The following CAB39L variants were observed in gnomAD, a reference collection of about 807,000 sequenced individuals.
The protein encoded by CAB39L is calcium-binding protein 39-like.
A neutral mutation model predicts 39.1 loss-of-function variants in CAB39L; 23 were observed. The observed-to-expected ratio is 0.59, with a 90% CI of 0.42 to 0.83. The LOEUF is 0.83. Among genes scored for constraint, CAB39L ranks in the 40% least tolerant of loss-of-function variants. The pLI, the probability that CAB39L is intolerant of heterozygous loss-of-function variation, is 0.00. For synonymous variants in CAB39L, 126 were observed against 137.2 expected, an observed-to-expected ratio of 0.92 and a Z score of 0.57; for missense variants, 366 against 391.9, an observed-to-expected ratio of 0.93 and a Z score of 0.56.
Position 49,310,772 on chromosome 13 carries a change from G to A in CAB39L, c.*42C>T. The A allele has an allele frequency of 6.3e-7, 1 of 1,597,600 alleles. No individual in the cohort carries two copies. Among genetic ancestry groups the A allele is most frequent in the East Asian group, 2.2e-5 (1 of 44,764 alleles). On this transcript the variant is annotated 3_prime_UTR_variant, in exon 11 of 11. Transcript: ENST00000409308. ...CTGAAATGACACACTGTACAAACTGGACAAATGAGACGACTGACTGTGACA... is the reference window on the plus strand; with the variant it reads ...CTGAAATGACACACTGTACAAACTGAACAAATGAGACGACTGACTGTGACA...
intron 3 of CAB39L, among the ~76,000 whole-genome samples, chr13:49,394,141 A>G (rs1304906625): frequency 6.6e-6 from 1 of 151,976 alleles, no homozygotes; most frequent in African/African-American, 2.4e-5. Context: ...CAAACAACAA[A>G]CTAGAGAATT....
chr13:49,434,237 G>C lies in CAB39L; in HGVS notation c.-245-14C>G, dbSNP rs1291193475. The C allele has an allele frequency of 2.2e-6, 1 of 447,078 alleles. No homozygotes were observed. Among genetic ancestry groups the C allele is most frequent in the Non-Finnish European group, 4.5e-6 (1 of 223,642 alleles). The allele number at this position is 447,078 out of a possible 1,614,324, so 27.7% of individuals were successfully genotyped here. ...TTGATGGATATCCTGCAATAATGTA[G>C]GAAAAACAGCACAGGCTTTGGAGTC... On this transcript the variant is annotated splice_polypyrimidine_tract_variant and intron_variant, in intron 1 of 10. Transcript: ENST00000409308.
chr13:49,346,120 T>TGCTAGATATATATATATATATATATATC (rs1555254625), intron 7 of CAB39L, among the ~76,000 whole-genome samples: 1 of 88,482 alleles, frequency 1.1e-5, no homozygotes, highest in African/African-American at 4.5e-5. Flanking sequence ...TATATATATA[T>TGCTAGATATATATATATATATATATATC]ATATCATGGA....
rs1956498534 is a variant in CAB39L at position 49,392,014 on chromosome 13, G to A, written c.-31-9073C>T. 2.7e-5 allele frequency among the ~76,000 whole-genome samples: 4 copies of A among 150,838 alleles called. No individual in the cohort carries two copies. In the South Asian group the frequency reaches 8.4e-4, roughly 32 times the overall value. On this transcript the variant is annotated intron_variant, in intron 3 of 10. Transcript: ENST00000409308. ...GCAAGAGCCATAATAGAAACAAAAC[G>A]ACACAAAAATGTTCAGAATAAAAGG...
chr13:49,386,043 C>T (rs1956351505), intron 3 of CAB39L, among the ~76,000 whole-genome samples: 1 of 152,000 alleles, frequency 6.6e-6, no homozygotes, highest in South Asian at 2.1e-4. Flanking sequence ...AGGTGAAACA[C>T]AATAAAATAC....
chr13:49,359,647 C>T (rs1010647704), intron 6 of CAB39L, 67 bp downstream of exon 6: 1 of 803,764 alleles, frequency 1.2e-6, no homozygotes. Flanking sequence ...TCAAATGAGA[C>T]TAATGCTATG....
chr13:49,386,011 C>T (rs1956350941), intron 3 of CAB39L, among the ~76,000 whole-genome samples: 1 of 151,988 alleles, frequency 6.6e-6, no homozygotes, highest in Non-Finnish European at 1.5e-5. Context: ...TTCAAAAACA[C>T]GGTGTCTTCA....
chr13:49,330,360 T>C (rs1340258288), intron 10 of CAB39L, among the ~76,000 whole-genome samples: 2 of 152,188 alleles, frequency 1.3e-5, no homozygotes, highest in Admixed American at 1.3e-4. Context: ...ATCCAACTTG[T>C]GTTCATTTAC....
intron 5 of CAB39L, among the ~76,000 whole-genome samples, chr13:49,375,683 T>C (rs763752085): frequency 6.6e-6 from 1 of 151,310 alleles, no homozygotes; most frequent in Non-Finnish European, 1.5e-5. Context: ...CATAAGGAGA[T>C]ATACCTAATG....
chr13:49,384,388 C>T (rs1956312270), intron 3 of CAB39L, among the ~76,000 whole-genome samples: 1 of 152,136 alleles, frequency 6.6e-6, no homozygotes, highest in South Asian at 2.1e-4. Flanking sequence ...AAGTCTTGAA[C>T]CCCTCAAAGT....
intron 5 of CAB39L, among the ~76,000 whole-genome samples, chr13:49,374,650 G>A (rs9535213): frequency 0.017 from 2,591 of 152,280 alleles, 32 homozygotes; most frequent in Middle Eastern, 0.031. Flanking sequence ...GCCAAAGAAA[G>A]TTATAAGGCA....
chr13:49,417,605 A>AAGCAAAATAACAGC (rs1957105774), intron 3 of CAB39L, among the ~76,000 whole-genome samples: 1 of 152,150 alleles, frequency 6.6e-6, no homozygotes, highest in South Asian at 2.1e-4. Flanking sequence ...CAAATAACAG[A>AAGCAAAATAACAGC]AGCAAATAAC....
chr13:49,439,941 T>TTTG (rs1957481312), intron 1 of CAB39L, among the ~76,000 whole-genome samples: 2 of 144,376 alleles, frequency 1.4e-5, no homozygotes, highest in African/African-American at 5.2e-5. Context: ...TTTTTTTTTT[T>TTTG]GCTTGTTGAA....
At chr13:49,329,214 T>C (rs1157818263) in intron 10 of CAB39L, among the ~76,000 whole-genome samples, 3 of 152,112 alleles carry the variant, frequency 2.0e-5, no homozygotes, top group Non-Finnish European at 4.4e-5. Context: ...CCATAACAAG[T>C]CTTAATATCT....
chr13:49,359,886 A>G lies in CAB39L; in HGVS notation c.277-54T>C, dbSNP rs1357216921. ...TGTACACTCTAAATGGATGAATTGT[A>G]TAGTATGTGGAATATATACATATAT... On this transcript the variant is annotated intron_variant, in intron 5 of 10. Transcript: ENST00000409308. 9.3e-6 allele frequency: 9 copies of G among 965,780 alleles called. No individual in the cohort carries two copies. In the South Asian group the frequency reaches 9.6e-5, roughly 10 times the overall value. 59.8% of individuals were successfully genotyped at this position (965,780 alleles called of 1,614,324 possible).
intron 6 of CAB39L, among the ~76,000 whole-genome samples, chr13:49,353,314 A>G (rs1213123538): frequency 6.6e-6 from 1 of 152,230 alleles, no homozygotes; most frequent in African/African-American, 2.4e-5. Context: ...AATGTAAAGG[A>G]GAAAAGCACT....
intron 5 of CAB39L, among the ~76,000 whole-genome samples, chr13:49,363,231 ACTCTT>A (rs1955679760): frequency 6.6e-6 from 1 of 152,286 alleles, no homozygotes; most frequent in Admixed American, 6.5e-5. Context: ...TGTGTAAACT[ACTCTT>A]GTCTTAAGGA....
At chr13:49,413,476 G>A (rs1024560567) in intron 3 of CAB39L, among the ~76,000 whole-genome samples, 3 of 152,158 alleles carry the variant, frequency 2.0e-5, no homozygotes, top group Non-Finnish European at 2.9e-5. Context: ...CCCAGCATAG[G>A]AAAATTTTTT....
chr13:49,419,824 C>T (rs983570179), intron 3 of CAB39L, among the ~76,000 whole-genome samples: 8 of 152,140 alleles, frequency 5.3e-5, no homozygotes, highest in Non-Finnish European at 8.8e-5. Context: ...AGAGCTCAAA[C>T]TACTTTTTTT....
Sources: allele counts gnomAD v4.1 joint callset (sites outside exome capture counted in the v4.1 genomes callset), GRCh38; gene constraint gnomAD v4.1.1; transcripts MANE v1.5; gene names NCBI Gene and HGNC (gene_info 2026-07-23, HGNC 2026-07-21).